Variants in NIPAL2 observed in about 807,000 individuals in gnomAD.
NIPAL2 encodes the protein NIPA-like protein 2.
A neutral mutation model predicts 48.9 loss-of-function variants in NIPAL2; 43 were observed. That is an observed-to-expected ratio of 0.88 (90% confidence interval 0.69 to 1.13). NIPAL2 has a LOEUF of 1.13. NIPAL2 is among the 50% of genes most tolerant of loss of function. The pLI is 0.00. For missense variants in NIPAL2, 446 were observed against 461.4 expected (o/e 0.97, Z 0.31); for synonymous variants, 167 against 174.6 (o/e 0.96, Z 0.34).
intron 3 of NIPAL2, among the ~76,000 whole-genome samples, chr8:98,247,993 T>C (rs1419362867): frequency 6.6e-6 from 1 of 152,224 alleles, no homozygotes; most frequent in Non-Finnish European, 1.5e-5. Context: ...ACAAGTGCTT[T>C]GAAGCCAGAG....
intron 1 of NIPAL2, among the ~76,000 whole-genome samples, chr8:98,280,751 T>TAGAGAGAGAGAG: frequency 2.4e-5 from 1 of 42,342 alleles, no homozygotes; most frequent in Non-Finnish European, 5.4e-5. Context: ...TATATATATA[T>TAGAGAGAGAGAG]ATATATATAT....
rs868108422 is a variant in NIPAL2 at position 98,268,440 on chromosome 8, G to A, written c.136-14353C>T. Among the ~76,000 whole-genome samples, 3 of 152,048 alleles carry A rather than the reference G, an allele frequency of 2.0e-5. No homozygotes were observed. In the South Asian group the frequency reaches 6.3e-4, roughly 32 times the overall value. ...GTTCAAGACAAGCCTGGCCAACATG[G>A]TGAAACCCCATCTCTACTAAATATA... On this transcript the variant is annotated intron_variant, in intron 1 of 10. Transcript: ENST00000430223.
At chr8:98,195,690 T>G in intron 9 of NIPAL2, 8 of 353,772 alleles carry the variant, frequency 2.3e-5, no homozygotes, top group Non-Finnish European at 3.1e-5. Flanking sequence ...GGCCAGTGGA[T>G]GTATCTTGTC....
At chr8:98,284,331 C>T (rs1816027403) in intron 1 of NIPAL2, among the ~76,000 whole-genome samples, 1 of 152,122 alleles carries the variant, frequency 6.6e-6, no homozygotes, top group South Asian at 2.1e-4. Flanking sequence ...GTAAATAGCT[C>T]ACCAGGTTAT....
At chr8:98,236,115 C>T (rs1812698531) in intron 4 of NIPAL2, 40 bp downstream of exon 4, 1 of 1,332,936 alleles carries the variant, frequency 7.5e-7, no homozygotes, top group African/African-American at 1.5e-5. Context: ...ATTTCCTGAT[C>T]AAGCAATGCT....
intron 1 of NIPAL2, among the ~76,000 whole-genome samples, chr8:98,262,471 G>C: frequency 6.6e-6 from 1 of 151,764 alleles, no homozygotes; most frequent in Non-Finnish European, 1.5e-5. Context: ...AAGGCAGGGG[G>C]TGCAATCCTA....
At chr8:98,231,046 G>A (rs1398690799) in intron 4 of NIPAL2, among the ~76,000 whole-genome samples, 3 of 152,204 alleles carry the variant, frequency 2.0e-5, no homozygotes, top group East Asian at 1.9e-4. Flanking sequence ...GGTCCCTGCA[G>A]TATGTCTCCT....
intron 4 of NIPAL2, among the ~76,000 whole-genome samples, chr8:98,233,557 T>G (rs1054184393): frequency 7.2e-5 from 11 of 152,154 alleles, no homozygotes; most frequent in African/African-American, 2.7e-4. Context: ...CTTAGAGAAG[T>G]TAAGTAATAC....
chr8:98,278,771 C>T (rs1181870934), intron 1 of NIPAL2, among the ~76,000 whole-genome samples: 1 of 152,112 alleles, frequency 6.6e-6, no homozygotes, highest in Non-Finnish European at 1.5e-5. Context: ...ACTATCGGAT[C>T]AAATATAAAC....
intron 5 of NIPAL2, among the ~76,000 whole-genome samples, chr8:98,219,719 A>C (rs1173965013): frequency 6.6e-6 from 1 of 152,156 alleles, no homozygotes; most frequent in Non-Finnish European, 1.5e-5. Flanking sequence ...CTGTGTCTGC[A>C]ACCTCTTAAC....
chr8:98,232,575 G>A (rs1200045241), intron 4 of NIPAL2, among the ~76,000 whole-genome samples: 14 of 152,140 alleles, frequency 9.2e-5, no homozygotes, highest in Admixed American at 9.2e-4. Flanking sequence ...TTAATCCTGT[G>A]AGGTATGTAA....
At chr8:98,263,330 G>T (rs1373883958) in intron 1 of NIPAL2, among the ~76,000 whole-genome samples, 3 of 150,182 alleles carry the variant, frequency 2.0e-5, no homozygotes, top group Non-Finnish European at 3.0e-5. Flanking sequence ...AAAAATTAAT[G>T]AATCCAGGAG....
At chr8:98,265,311 C>T (rs1362472826) in intron 1 of NIPAL2, among the ~76,000 whole-genome samples, 2 of 149,520 alleles carry the variant, frequency 1.3e-5, no homozygotes, top group African/African-American at 4.9e-5. Flanking sequence ...AGCTTCTGCA[C>T]AGCAAAAGAA....
chr8:98,270,562 T>C (rs1000651556), intron 1 of NIPAL2, among the ~76,000 whole-genome samples: 8 of 152,194 alleles, frequency 5.3e-5, no homozygotes, highest in Admixed American at 5.2e-4. Context: ...ATACGTTCCT[T>C]ATAGATTTTG....
intron 4 of NIPAL2, among the ~76,000 whole-genome samples, chr8:98,227,367 C>A (rs1220240373): frequency 6.6e-6 from 1 of 152,176 alleles, no homozygotes; most frequent in East Asian, 1.9e-4. Context: ...CTGGGCCACA[C>A]CTGAAGCTAA....
chr8:98,246,240 A>G (rs1203550546), intron 3 of NIPAL2, among the ~76,000 whole-genome samples: 1 of 152,194 alleles, frequency 6.6e-6, no homozygotes, highest in African/African-American at 2.4e-5. Context: ...CGTCTAATGG[A>G]TTACAGATAC....
intron 2 of NIPAL2, among the ~76,000 whole-genome samples, chr8:98,253,040 C>T (rs1813679946): frequency 6.6e-6 from 1 of 152,000 alleles, no homozygotes; most frequent in Non-Finnish European, 1.5e-5. Flanking sequence ...GCAGATGCTC[C>T]CTGTCCCTTG....
intron 1 of NIPAL2, among the ~76,000 whole-genome samples, chr8:98,273,063 C>T (rs1253232945): frequency 6.6e-6 from 1 of 152,094 alleles, no homozygotes; most frequent in Non-Finnish European, 1.5e-5. Flanking sequence ...AACTTGTACA[C>T]AAATATCCAT....
intron 6 of NIPAL2, among the ~76,000 whole-genome samples, chr8:98,207,137 G>C (rs1365012189): frequency 6.6e-6 from 1 of 152,208 alleles, no homozygotes; most frequent in East Asian, 1.9e-4. Flanking sequence ...ACAATTAATG[G>C]AGAAGGAGTT....
Sources: allele counts gnomAD v4.1 joint callset (sites outside exome capture counted in the v4.1 genomes callset), GRCh38; gene constraint gnomAD v4.1.1; transcripts MANE v1.5; gene names NCBI Gene and HGNC (gene_info 2026-07-23, HGNC 2026-07-21).